SLC35F3: variants seen among roughly 807,000 people sequenced by gnomAD.
The protein encoded by SLC35F3 is putative thiamine transporter SLC35F3.
SLC35F3 carries 25 observed loss-of-function variants against 49.9 expected under a neutral mutation model. That is an observed-to-expected ratio of 0.50 (90% confidence interval 0.37 to 0.70). The LOEUF (loss-of-function observed/expected upper bound fraction) is 0.70. Among genes scored for constraint, SLC35F3 ranks in the 30% least tolerant of loss-of-function variants. The probability of loss-of-function intolerance (pLI) is 0.00; values close to 1 mark genes in which losing one functional copy is unlikely to be tolerated. For synonymous variants in SLC35F3, 275 were observed against 265.4 expected, an observed-to-expected ratio of 1.04 and a Z score of -0.35; for missense variants, 525 against 639.8, an observed-to-expected ratio of 0.82 and a Z score of 1.94.
At chr1:234,069,296 C>T (rs2102867036) in intron 2 of SLC35F3, among the ~76,000 whole-genome samples, 1 of 141,282 alleles carries the variant, frequency 7.1e-6, no homozygotes, top group East Asian at 2.0e-4. Context: ...CTTGCTCTGT[C>T]ACCCAGGCTG....
intron 2 of SLC35F3, among the ~76,000 whole-genome samples, chr1:234,186,363 G>A (rs1030149817): frequency 1.5e-4 from 23 of 152,180 alleles, no homozygotes; most frequent in African/African-American, 5.5e-4. Context: ...TTTAAGGCAT[G>A]GCCAGCAAAC....
At position 234,231,501 on chromosome 1, in the gene SLC35F3, G is replaced by T. The variant is rs1179264708; in HGVS notation, c.368G>T (p.Arg123Leu). ...GAGGCCGGCGGGAGAGCGAGTCGCC[G>T]CTGCTGGACGTGCTCCCGGGCGCAA... is the stretch of plus-strand genomic sequence containing the variant. ...GVEAGGRASR[R>L]CWTCSRAQLK... is the part of the protein sequence containing the mutation. Residue 123 changes from arginine (R) to leucine (L), a missense_variant, in exon 3 of 8, where the codon CGC becomes CTC. Around this residue, in one of 4 missense-constraint regions of SLC35F3, gnomAD observed 228 missense variants for 218.9 expected, o/e 1.04. Transcript: ENST00000366618. The surrounding 1 kb of genome is among the most constrained non-coding windows in gnomAD (Gnocchi z 5.4). The T allele has an allele frequency of 6.2e-7, 1 of 1,613,230 alleles. No individual in the cohort carries two copies. The highest frequency in any genetic ancestry group is 1.1e-5 in the South Asian group (1 of 91,056).
At chr1:233,935,548 G>C (rs1571986405) in intron 2 of SLC35F3, among the ~76,000 whole-genome samples, 1 of 152,114 alleles carries the variant, frequency 6.6e-6, no homozygotes, top group Middle Eastern at 3.4e-3. Flanking sequence ...GACGGAGTTT[G>C]CTGTCCAGTG....
At chr1:233,944,053 A>G (rs1662473471) in intron 2 of SLC35F3, among the ~76,000 whole-genome samples, 1 of 152,186 alleles carries the variant, frequency 6.6e-6, no homozygotes, top group Admixed American at 6.6e-5. Context: ...TTAAGAGGGA[A>G]ATTTATAGCA....
chr1:233,971,704 C>T (rs1227688735), intron 2 of SLC35F3, among the ~76,000 whole-genome samples: 20 of 129,430 alleles, frequency 1.5e-4, no homozygotes, highest in African/African-American at 5.6e-4. Flanking sequence ...GGTGACAGAG[C>T]GAGACTCCGA....
At chr1:234,236,946 T>C (rs1403159608) in intron 3 of SLC35F3, among the ~76,000 whole-genome samples, 1 of 132,868 alleles carries the variant, frequency 7.5e-6, no homozygotes, top group Admixed American at 7.5e-5. Flanking sequence ...TATATATATA[T>C]ATATATATAT....
chr1:234,234,141 A>C (rs1353680655), intron 3 of SLC35F3, among the ~76,000 whole-genome samples: 1 of 152,192 alleles, frequency 6.6e-6, no homozygotes, highest in Non-Finnish European at 1.5e-5. Flanking sequence ...TTCATGCTTT[A>C]TCAAAATTAA....
intron 2 of SLC35F3, among the ~76,000 whole-genome samples, chr1:234,000,401 G>A (rs1024959493): frequency 1.3e-5 from 2 of 152,182 alleles, no homozygotes. Flanking sequence ...CGCAATGGCA[G>A]GGGACACATT....
At chr1:234,140,257 A>T (rs1160471256) in intron 2 of SLC35F3, among the ~76,000 whole-genome samples, 5 of 152,130 alleles carry the variant, frequency 3.3e-5, no homozygotes, top group Non-Finnish European at 7.3e-5. Context: ...ATCTCATTTC[A>T]TCTCATCACG....
At chr1:234,098,234 G>C (rs1414596518) in intron 2 of SLC35F3, among the ~76,000 whole-genome samples, 1 of 148,862 alleles carries the variant, frequency 6.7e-6, no homozygotes, top group Non-Finnish European at 1.5e-5. Flanking sequence ...GGTGTCATAG[G>C]GTGATGATGG....
intron 2 of SLC35F3, among the ~76,000 whole-genome samples, chr1:234,034,602 C>T (rs1664112196): frequency 6.6e-6 from 1 of 151,710 alleles, no homozygotes; most frequent in Non-Finnish European, 1.5e-5. Context: ...CTCACTGCAA[C>T]CTCTGCCTCC....
chr1:234,204,662 C>T (rs1243320444), intron 2 of SLC35F3, among the ~76,000 whole-genome samples: 2 of 152,204 alleles, frequency 1.3e-5, no homozygotes, highest in Non-Finnish European at 2.9e-5. Context: ...TACATTTAGC[C>T]CTCCAAACCC....
At chr1:234,100,797 G>T (rs966450848) in intron 2 of SLC35F3, among the ~76,000 whole-genome samples, 3 of 152,244 alleles carry the variant, frequency 2.0e-5, no homozygotes, top group African/African-American at 7.2e-5. Context: ...TCATGCAGGA[G>T]TATGCTTTTG....
At chr1:233,914,344 A>G (rs112638026) in intron 2 of SLC35F3, among the ~76,000 whole-genome samples, 169 of 152,318 alleles carry the variant, frequency 1.1e-3, no homozygotes, top group African/African-American at 3.7e-3. Flanking sequence ...AGGTGTGTCA[A>G]GTAACCCAGA....
At chr1:234,144,026 C>T (rs923749448) in intron 2 of SLC35F3, among the ~76,000 whole-genome samples, 1 of 152,120 alleles carries the variant, frequency 6.6e-6, no homozygotes. Context: ...AGAAGGTGTC[C>T]CACTGCCTGC....
intron 3 of SLC35F3, among the ~76,000 whole-genome samples, chr1:234,266,480 G>A (rs1056656423): frequency 2.0e-5 from 3 of 152,202 alleles, no homozygotes; most frequent in Non-Finnish European, 4.4e-5. Flanking sequence ...TCAGTAGAAG[G>A]ATAAATATTT....
chr1:234,182,184 C>A (rs1666567492), intron 2 of SLC35F3, among the ~76,000 whole-genome samples: 1 of 152,112 alleles, frequency 6.6e-6, no homozygotes, highest in Admixed American at 6.5e-5. Context: ...GTGTTCAAGT[C>A]CATTACAGTT....
At position 234,320,508 on chromosome 1, in the gene SLC35F3, A is replaced by G. The variant is rs372391255; in HGVS notation, c.1237+321A>G. 7.9e-5 allele frequency among the ~76,000 whole-genome samples: 12 copies of G among 152,334 alleles called. No individual in the cohort carries two copies. In the East Asian group the frequency reaches 1.3e-3, roughly 17 times the overall value. The stretch of plus-strand genomic sequence containing the variant: ...TTCAAGACACAGAAAGTCTAAAGGC[A>G]TCTTGATTCTAACTGGTATGGGGAG... On this transcript the variant is annotated intron_variant, in intron 7 of 7. Transcript: ENST00000366618. The surrounding 1 kb of genome is among the most constrained non-coding windows in gnomAD (Gnocchi z 4.8).
chr1:234,188,536 A>G (rs942324610), intron 2 of SLC35F3, among the ~76,000 whole-genome samples: 2 of 152,142 alleles, frequency 1.3e-5, no homozygotes, highest in African/African-American at 4.8e-5. Flanking sequence ...CACAGCAGCC[A>G]CAGCAAGCCC....
Sources: allele counts gnomAD v4.1 joint callset (sites outside exome capture counted in the v4.1 genomes callset), GRCh38; gene constraint gnomAD v4.1.1; regional missense constraint gnomAD v4.1.1; non-coding constraint Gnocchi (gnomAD v3.1); transcripts MANE v1.5; gene names NCBI Gene and HGNC (gene_info 2026-07-23, HGNC 2026-07-21).